EYS: variants seen among roughly 807,000 people sequenced by gnomAD.
EYS encodes protein eyes shut homolog.
EYS carries 250 observed loss-of-function variants against 282.1 expected under a neutral mutation model. That is an observed-to-expected ratio of 0.89 (90% CI 0.80 to 0.98). EYS has a LOEUF of 0.98. EYS is among the 50% of genes least tolerant of loss of function. The probability of loss-of-function intolerance (pLI) is 0.00; values close to 1 mark genes in which losing one functional copy is unlikely to be tolerated. For missense variants in EYS, 4,016 were observed against 3,709.0 expected (o/e 1.08, Z -2.15); for synonymous variants, 1,355 against 1,282.9 (o/e 1.06, Z -1.20).
chr6:65,330,519 T>C, intron 11 of EYS: 1 of 984,378 alleles, frequency 1.0e-6, no homozygotes, highest in Non-Finnish European at 1.2e-6. Flanking sequence ...AGAAAAATTT[T>C]TTGAAGATTT....
At chr6:65,670,283 A>G (rs1378369038) in intron 1 of EYS, among the ~76,000 whole-genome samples, 2 of 152,032 alleles carry the variant, frequency 1.3e-5, no homozygotes, top group Admixed American at 1.3e-4. Context: ...GGAACCAAAG[A>G]ACTTCTGTTG....
At chr6:63,769,373 G>A (rs1292243510) in intron 40 of EYS, among the ~76,000 whole-genome samples, 1 of 151,854 alleles carries the variant, frequency 6.6e-6, no homozygotes, top group African/African-American at 2.4e-5. Flanking sequence ...AAATAGACTA[G>A]CAGGCAAAGA....
intron 12 of EYS, among the ~76,000 whole-genome samples, chr6:65,062,351 T>A (rs1175771002): frequency 2.0e-5 from 3 of 151,974 alleles, no homozygotes; most frequent in Non-Finnish European, 4.4e-5. Context: ...TGCAACTTTA[T>A]GTCTAAAAAT....
intron 31 of EYS, among the ~76,000 whole-genome samples, chr6:64,192,075 G>A (rs551845313): frequency 7.1e-6 from 1 of 139,956 alleles, no homozygotes; most frequent in East Asian, 2.4e-4. Context: ...TTCTCTGATG[G>A]CCAGTGATGG....
chr6:65,443,120 A>G (rs972298533), intron 5 of EYS, among the ~76,000 whole-genome samples: 4 of 146,888 alleles, frequency 2.7e-5, no homozygotes, highest in African/African-American at 7.3e-5. Flanking sequence ...TGTGGATCAT[A>G]TATGTACACA....
intron 39 of EYS, among the ~76,000 whole-genome samples, chr6:63,781,682 A>G (rs1333277467): frequency 6.6e-6 from 1 of 152,228 alleles, no homozygotes; most frequent in Non-Finnish European, 1.5e-5. Context: ...ATATACAATC[A>G]TGTCATCTGC....
chr6:64,168,657 A>G (rs780816128), intron 31 of EYS, among the ~76,000 whole-genome samples: 3 of 152,222 alleles, frequency 2.0e-5, no homozygotes, highest in Non-Finnish European at 2.9e-5. Flanking sequence ...GAAATACCAC[A>G]TATTGTACAA....
At chr6:65,470,096 G>T (rs1342836554) in intron 5 of EYS, among the ~76,000 whole-genome samples, 1 of 152,116 alleles carries the variant, frequency 6.6e-6, no homozygotes, top group East Asian at 1.9e-4. Flanking sequence ...TTAAAGGACC[G>T]ATAGCAAGCA....
At chr6:65,623,170 A>G (rs1447293845) in intron 2 of EYS, among the ~76,000 whole-genome samples, 2 of 152,180 alleles carry the variant, frequency 1.3e-5, no homozygotes, top group East Asian at 3.9e-4. Context: ...ACACAAGCTG[A>G]TGCAGTTGAT....
At chr6:64,018,609 C>T (rs1314363701) in intron 33 of EYS, among the ~76,000 whole-genome samples, 1 of 152,038 alleles carries the variant, frequency 6.6e-6, no homozygotes, top group African/African-American at 2.4e-5. Flanking sequence ...AAATGGCCCC[C>T]TCAAAGGTAT....
At chr6:63,816,482 G>T (rs918338216) in intron 36 of EYS, among the ~76,000 whole-genome samples, 36 of 152,160 alleles carry the variant, frequency 2.4e-4, no homozygotes, top group Admixed American at 2.4e-3. Flanking sequence ...ATTACCTCAT[G>T]GTCAGTGGGA....
chr6:64,944,040 G>T (rs1180483541), intron 15 of EYS, among the ~76,000 whole-genome samples: 1 of 152,022 alleles, frequency 6.6e-6, no homozygotes, highest in African/African-American at 2.4e-5. Flanking sequence ...CAGTGGAACA[G>T]AATAGCAAAA....
chr6:65,342,773 C>T (rs892671748), intron 10 of EYS, among the ~76,000 whole-genome samples: 2 of 150,432 alleles, frequency 1.3e-5, no homozygotes, highest in Non-Finnish European at 3.0e-5. Flanking sequence ...TCTTAGATTG[C>T]TATATTTGCG....
At chr6:65,533,063 T>C (rs1019044044) in intron 2 of EYS, among the ~76,000 whole-genome samples, 2 of 152,108 alleles carry the variant, frequency 1.3e-5, no homozygotes, top group African/African-American at 2.4e-5. Context: ...AAATTACTAA[T>C]ATTAGCTGCT....
At chr6:65,341,999 A>C (rs1487585047) in intron 10 of EYS, among the ~76,000 whole-genome samples, 2 of 151,216 alleles carry the variant, frequency 1.3e-5, no homozygotes, top group African/African-American at 4.8e-5. Context: ...AATTTTAACA[A>C]ATCAGGAAAA....
chr6:64,525,723 A>C (rs1356161251), intron 26 of EYS, among the ~76,000 whole-genome samples: 4 of 151,830 alleles, frequency 2.6e-5, no homozygotes, highest in Admixed American at 1.3e-4. Context: ...AACACCAAAG[A>C]CTGATGAGGA....
chr6:64,129,135 G>C (rs1256955865), intron 31 of EYS, among the ~76,000 whole-genome samples: 1 of 152,238 alleles, frequency 6.6e-6, no homozygotes, highest in South Asian at 2.1e-4. Flanking sequence ...TTGGAACAGA[G>C]GTTGTATGGC....
chr6:64,343,766 C>G (rs1582628633), intron 29 of EYS, among the ~76,000 whole-genome samples: 1 of 151,724 alleles, frequency 6.6e-6, no homozygotes, highest in South Asian at 2.1e-4. Flanking sequence ...GTGAATCCAG[C>G]AGCTGGTTTT....
At chr6:64,943,909 A>G (rs961690871) in intron 15 of EYS, among the ~76,000 whole-genome samples, 23 of 152,134 alleles carry the variant, frequency 1.5e-4, no homozygotes, top group African/African-American at 5.6e-4. Flanking sequence ...CTTAGAGAGG[A>G]AATAAAAAAA....
Sources: gnomAD v4.1 joint callset for allele counts (sites outside exome capture counted in the v4.1 genomes callset) on GRCh38, gnomAD v4.1.1 for gene constraint, MANE v1.5 for transcripts, NCBI Gene and HGNC (gene_info 2026-07-23, HGNC 2026-07-21) for gene names.